The following LHX5 variants were observed in gnomAD, a reference collection of about 807,000 sequenced individuals.
The protein encoded by LHX5 is LIM/homeobox protein Lhx5.
A neutral mutation model predicts 30.6 loss-of-function variants in LHX5; 5 were observed. The observed-to-expected ratio is 0.16, with a 90% CI of 0.09 to 0.34. The LOEUF is 0.34. Ranked by LOEUF, LHX5 falls within the 10% of genes least tolerant of loss-of-function variation. LHX5 has a pLI of 1.00. For missense variants in LHX5, 458 were observed against 570.6 expected (o/e 0.80, Z 2.01); for synonymous variants, 266 against 252.6 (o/e 1.05, Z -0.50).
Position 113,464,537 on chromosome 12 carries a change from C to T in LHX5, c.842-980G>A, listed in dbSNP as rs1241454050. ...ATCCCGGTGAGACCATTTGTACCGGCCTAGCCTAGCCTGAGAAAGAGAAAA... is the reference window on the plus strand; with the variant it reads ...ATCCCGGTGAGACCATTTGTACCGGTCTAGCCTAGCCTGAGAAAGAGAAAA... On this transcript the variant is annotated intron_variant, in intron 4 of 4. Transcript: ENST00000261731. The surrounding 1 kb of genome is among the most constrained non-coding windows in gnomAD (Gnocchi z 6.2). Among the ~76,000 whole-genome samples the T allele has an allele frequency of 2.0e-5, 3 of 152,160 alleles. No homozygotes were observed. In the East Asian group the frequency reaches 5.8e-4, roughly 29 times the overall value.
intron 1 of LHX5, among the ~76,000 whole-genome samples, chr12:113,470,905 G>A (rs1052746521): frequency 1.3e-5 from 2 of 152,178 alleles, no homozygotes; most frequent in Admixed American, 6.5e-5. Context: ...TTGGGATTGC[G>A]GCCGATGGGC....
At position 113,463,182 on chromosome 12, in the gene LHX5, C is replaced by G. The variant is rs1958186845; in HGVS notation, c.*8G>C. The stretch of plus-strand genomic sequence containing the variant: ...CGGGGGCCGAGCGCGGGGGGCGGCC[C>G]GGCGGCCTTACCACACGGCGGCTTC... On this transcript the variant is annotated 3_prime_UTR_variant, in exon 5 of 5. Coordinates refer to ENST00000261731, the MANE Select transcript of LHX5 (RefSeq NM_022363.3). The surrounding 1 kb of genome is among the most constrained non-coding windows in gnomAD (Gnocchi z 6.7). 1.3e-6 allele frequency: 2 copies of G among 1,499,958 alleles called. No individual in the cohort carries two copies. Among genetic ancestry groups the G allele is most frequent in the Non-Finnish European group, 1.8e-6 (2 of 1,132,830 alleles). 92.9% of individuals were successfully genotyped at this position (1,499,958 alleles called of 1,614,324 possible). A position where few individuals can be genotyped will look rare whatever the true frequency, so the allele number is the denominator to read the frequency against.
rs1958214038 is a variant in LHX5 at position 113,466,099 on chromosome 12, C to T, written c.841+1157G>A. Among the ~76,000 whole-genome samples, 1 of 152,216 alleles carries T rather than the reference C, an allele frequency of 6.6e-6. No individual in the cohort carries two copies. Among genetic ancestry groups the T allele is most frequent in the South Asian group, 2.1e-4 (1 of 4,830 alleles). The stretch of plus-strand genomic sequence containing the variant: ...CTTCCCTTCTGCGTCTACCTGGGTG[C>T]CTAGCTCCTGCCTTGCTAACACTGC... On this transcript the variant is annotated intron_variant, in intron 4 of 4. Coordinates refer to ENST00000261731, the MANE Select transcript of LHX5 (RefSeq NM_022363.3). This position sits in a 1 kb window ranked among gnomAD's most constrained non-coding sequence, Gnocchi z 6.5.
At chr12:113,470,034 C>T (rs955071390) in intron 1 of LHX5, among the ~76,000 whole-genome samples, 7 of 152,230 alleles carry the variant, frequency 4.6e-5, no homozygotes, top group African/African-American at 1.7e-4. Context: ...TCTGGCCTGG[C>T]AGGCAGCAGG....
At chr12:113,468,601 G>A (rs1353618718) in intron 2 of LHX5, among the ~76,000 whole-genome samples, 197 bp from the exon 3 acceptor site, 1 of 152,218 alleles carries the variant, frequency 6.6e-6, no homozygotes, top group Non-Finnish European at 1.5e-5. Flanking sequence ...GGCGGGGCTG[G>A]GCCTTTGGAG....
intron 1 of LHX5, among the ~76,000 whole-genome samples, chr12:113,471,022 C>T (rs1319191767): frequency 6.6e-6 from 1 of 152,240 alleles, no homozygotes; most frequent in Non-Finnish European, 1.5e-5. Context: ...GGGGTTGCAG[C>T]TGCTTGGAAG....
Position 113,463,317 on chromosome 12 carries a change from A to C in LHX5, c.1082T>G (p.Leu361Arg). The C allele has an allele frequency of 6.5e-7, 1 of 1,536,760 alleles. No individual in the cohort carries two copies. The highest frequency in any genetic ancestry group is 1.2e-5 in the South Asian group (1 of 83,332). The stretch of plus-strand genomic sequence containing the variant: ...GAATACCTCGCCGGGCATGGGGTGC[A>C]GCGTGCCCGGCAGGCCTGGCTCGGG... The part of the protein sequence containing the change: ...PSPEPGLPGT[L>R]HPMPGEVFSG... Residue 361 changes from leucine (L) to arginine (R), a missense_variant, in exon 5 of 5, where the codon CTG (leucine) becomes CGG (arginine). Leu to Arg is a moderately radical substitution (Grantham distance 102). This residue lies in a region of LHX5 where 255 missense variants were observed against 246.8 expected (regional missense o/e 1.03). Transcript: ENST00000261731. The surrounding 1 kb of genome is among the most constrained non-coding windows in gnomAD (Gnocchi z 6.7).
chr12:113,465,463 C>A lies in LHX5; in HGVS notation c.841+1793G>T, dbSNP rs1050215088. ...CTTTGTCCGCGCTCCCACGGGGAGCCGCCGGCCCCGCCGCCCGGCCCCTTT... is the reference window on the plus strand; with the variant it reads ...CTTTGTCCGCGCTCCCACGGGGAGCAGCCGGCCCCGCCGCCCGGCCCCTTT... On this transcript the variant is annotated intron_variant, in intron 4 of 4. Transcript: ENST00000261731. This position sits in a 1 kb window ranked among gnomAD's most constrained non-coding sequence, Gnocchi z 6.7. Among the ~76,000 whole-genome samples, 2 of 152,212 alleles carry A rather than the reference C, an allele frequency of 1.3e-5. No homozygotes were observed. The highest frequency in any genetic ancestry group is 4.8e-5 in the African/African-American group (2 of 41,460).
In LHX5 at chr12:113,471,428, G is replaced by A; in HGVS notation, c.71C>T (p.Ala24Val). ...GCACTGAACACATTTGATGTGCCAC[G>A]CGCGGTCCAGCACGTTCAGCAGAAA... ...DRFLLNVLDR[A>V]WHIKCVQCCE... Residue 24 changes from alanine to valine, a missense_variant, in exon 1 of 5, where the codon GCG (alanine) becomes GTG (valine). Around this residue, in one of 3 missense-constraint regions of LHX5, gnomAD observed 178 missense variants for 238.5 expected, o/e 0.75. Transcript: ENST00000261731. 1 of 1,613,054 alleles carries A rather than the reference G, an allele frequency of 6.2e-7. No individual in the cohort carries two copies. The highest frequency in any genetic ancestry group is 1.1e-5 in the South Asian group (1 of 90,868).
Position 113,467,683 on chromosome 12 carries a change from A to G in LHX5, c.676-262T>C, listed in dbSNP as rs1958223424. Among the ~76,000 whole-genome samples the G allele has an allele frequency of 1.3e-5, 2 of 152,200 alleles. No homozygotes were observed. The highest frequency in any genetic ancestry group is 2.9e-5 in the Non-Finnish European group (2 of 68,026). Reference sequence around the variant, plus strand: ...TGGTCCCCGGCTCGCCCGCGGCCTGACGGCTCTATAAAGGCCTCCCTCCCG... The same window carrying G: ...TGGTCCCCGGCTCGCCCGCGGCCTGGCGGCTCTATAAAGGCCTCCCTCCCG... On this transcript the variant is annotated intron_variant, in intron 3 of 4. Transcript: ENST00000261731. This position sits in a 1 kb window ranked among gnomAD's most constrained non-coding sequence, Gnocchi z 6.3.
At position 113,463,501 on chromosome 12, in the gene LHX5, G is replaced by A. The variant is rs1004301028; in HGVS notation, c.898C>T (p.Pro300Ser). The change falls in exon 5 of 5, where the codon CCG (proline) becomes TCG (serine). Residue 300 changes from proline (P) to serine (S), a missense_variant. Coordinates refer to ENST00000261731, the MANE Select transcript of LHX5 (RefSeq NM_022363.3). The surrounding 1 kb of genome is among the most constrained non-coding windows in gnomAD (Gnocchi z 6.7). ...GCCGGGGACTGCGCCTGCGAAGGCG[G>A]GCCGTGCGCGAAGAAGTCGTAGTTG... ...GSNYDFFAHG[P>S]PSQAQSPADS... 6 of 1,565,894 alleles carry A rather than the reference G, an allele frequency of 3.8e-6. No homozygotes were observed. The African/African-American group carries it at 5.5e-5, about 14-fold the overall frequency.
At position 113,465,316 on chromosome 12, in the gene LHX5, C is replaced by G. The variant is rs1257219041; in HGVS notation, c.842-1759G>C. On this transcript the variant is annotated intron_variant, in intron 4 of 4. Coordinates refer to ENST00000261731, the MANE Select transcript of LHX5 (RefSeq NM_022363.3). The surrounding 1 kb of genome is among the most constrained non-coding windows in gnomAD (Gnocchi z 6.7). ...GAGACGGCCGCGGCCCGCGGCGAGC[C>G]GGAAAACCAGCGAAGGCCGCTGCCC... Among the ~76,000 whole-genome samples the G allele has an allele frequency of 7.9e-5, 12 of 152,238 alleles. No homozygotes were observed. The highest frequency in any genetic ancestry group is 2.1e-4 in the South Asian group (1 of 4,836).
rs1223761473 is a variant in LHX5, at chr12:113,464,430, G to T, written c.842-873C>A. Among the ~76,000 whole-genome samples, 2 of 152,222 alleles carry T rather than the reference G, an allele frequency of 1.3e-5. No homozygotes were observed. Among genetic ancestry groups the T allele is most frequent in the Non-Finnish European group, 2.9e-5 (2 of 68,030 alleles). On this transcript the variant is annotated intron_variant, in intron 4 of 4. Coordinates refer to ENST00000261731, the MANE Select transcript of LHX5 (RefSeq NM_022363.3). This position sits in a 1 kb window ranked among gnomAD's most constrained non-coding sequence, Gnocchi z 6.2. ...CTGGTGGGTTGGGCCGGGCGGGGCG[G>T]CCTTGGCGCCCTAAACTCGGTCCCT... is the stretch of plus-strand genomic sequence containing the variant.
chr12:113,467,345 A>G lies in LHX5; in HGVS notation c.752T>C (p.Phe251Ser), dbSNP rs1371525199. ...LSALGARRHA[F>S]FRSPRRMRPL... Reference sequence around the variant, plus strand: ...ACGCATGCGCCGCGGACTCCGGAAGAAGGCGTGCCTCCGGGCGCCTAGGGC... The same window carrying G: ...ACGCATGCGCCGCGGACTCCGGAAGGAGGCGTGCCTCCGGGCGCCTAGGGC... The change falls in exon 4 of 5, where the codon TTC becomes TCC. Residue 251 changes from phenylalanine (F) to serine (S), a missense_variant. By Grantham distance (155) the Phe-to-Ser change is radical (BLOSUM62 -2). This residue lies in a region of LHX5 where 255 missense variants were observed against 246.8 expected (regional missense o/e 1.03). Transcript: ENST00000261731. This position sits in a 1 kb window ranked among gnomAD's most constrained non-coding sequence, Gnocchi z 6.3. 2 of 1,588,776 alleles carry G rather than the reference A, an allele frequency of 1.3e-6. No homozygotes were observed. The highest frequency in any genetic ancestry group is 2.3e-5 in the South Asian group (2 of 87,864).
At position 113,465,721 on chromosome 12, in the gene LHX5, G is replaced by A. The variant is rs1247657018; in HGVS notation, c.841+1535C>T. 1.3e-5 allele frequency among the ~76,000 whole-genome samples: 2 copies of A among 152,246 alleles called. No individual in the cohort carries two copies. The highest frequency in any genetic ancestry group is 3.9e-4 in the East Asian group (2 of 5,192). On this transcript the variant is annotated intron_variant, in intron 4 of 4. Transcript: ENST00000261731. This position sits in a 1 kb window ranked among gnomAD's most constrained non-coding sequence, Gnocchi z 6.7. ...ATTATCCAGGCGGGGAAAAATTCCG[G>A]GCCGGTACCGCCCCCACTACCTCGC...
In LHX5 at chr12:113,464,679, G is replaced by T. The variant is rs1032584876; in HGVS notation, c.842-1122C>A. ...CGGTCCTCCAGCCTTGCCCCGGGTT[G>T]GTTTTGCCAGCACCCCCAGGTTCTG... is the stretch of plus-strand genomic sequence containing the variant. On this transcript the variant is annotated intron_variant, in intron 4 of 4. Transcript: ENST00000261731. The surrounding 1 kb of genome is among the most constrained non-coding windows in gnomAD (Gnocchi z 6.2). 3.3e-5 allele frequency among the ~76,000 whole-genome samples: 5 copies of T among 152,156 alleles called. No individual in the cohort carries two copies. Among genetic ancestry groups the T allele is most frequent in the Non-Finnish European group, 5.9e-5 (4 of 68,014 alleles).
rs2136978121 is a variant in LHX5 at position 113,467,500 on chromosome 12, GC to G, written c.676-80del. On this transcript the variant is annotated intron_variant, in intron 3 of 4. Transcript: ENST00000261731. This position sits in a 1 kb window ranked among gnomAD's most constrained non-coding sequence, Gnocchi z 6.3. The stretch of plus-strand genomic sequence containing the variant: ...CTCTTCTCCCTTCCCTGACTGGGCT[GC>G]CCCTGCTGGGTCCTTGCGCCTCTTC... The G allele has an allele frequency of 7.8e-7, 1 of 1,289,380 alleles. No homozygotes were observed. Among genetic ancestry groups the G allele is most frequent in the East Asian group, 2.9e-5 (1 of 34,676 alleles). The allele number at this position is 1,289,380 out of a possible 1,614,324, so 79.9% of individuals were successfully genotyped here.
chr12:113,470,486 G>A (rs1239100379), intron 1 of LHX5, among the ~76,000 whole-genome samples: 1 of 152,236 alleles, frequency 6.6e-6, no homozygotes, highest in African/African-American at 2.4e-5. Flanking sequence ...CAAATTCTCA[G>A]TGCGGAGTCG....
In LHX5 at chr12:113,464,331, G is replaced by A. The variant is rs2136976210; in HGVS notation, c.842-774C>T. Among the ~76,000 whole-genome samples the A allele has an allele frequency of 6.6e-6, 1 of 152,290 alleles. No homozygotes were observed. Among genetic ancestry groups the A allele is most frequent in the East Asian group, 1.9e-4 (1 of 5,174 alleles). On this transcript the variant is annotated intron_variant, in intron 4 of 4. Coordinates refer to ENST00000261731, the MANE Select transcript of LHX5 (RefSeq NM_022363.3). The surrounding 1 kb of genome is among the most constrained non-coding windows in gnomAD (Gnocchi z 6.2). ...GGGCAGGGACAAACCAGCGGACAGA[G>A]CAGAGCGCGAAATGGTTGAGACCGG... is the stretch of plus-strand genomic sequence containing the variant.
Sources: gnomAD v4.1 joint callset for allele counts (sites outside exome capture counted in the v4.1 genomes callset) on GRCh38, gnomAD v4.1.1 for gene constraint, gnomAD v4.1.1 regional missense constraint, Gnocchi (gnomAD v3.1) non-coding constraint, MANE v1.5 for transcripts, NCBI Gene and HGNC (gene_info 2026-07-23, HGNC 2026-07-21) for gene names.